Variants in PIWIL2 observed in about 807,000 individuals in gnomAD.
PIWIL2 encodes the protein piwi like RNA-mediated gene silencing 2.
Under a neutral mutation model 116.5 loss-of-function variants are expected in PIWIL2, and 81 were observed. The observed-to-expected ratio is 0.70, with a 90% CI of 0.58 to 0.84. PIWIL2 has a LOEUF of 0.84. PIWIL2 is among the 40% of genes least tolerant of loss of function. The pLI is 0.00. For synonymous variants in PIWIL2, 489 were observed against 429.5 expected (o/e 1.14, Z -1.71); for missense variants, 1,272 against 1,212.3 (o/e 1.05, Z -0.73).
chr8:22,331,324 C>T (rs1831857458), intron 20 of PIWIL2, among the ~76,000 whole-genome samples: 3 of 151,730 alleles, frequency 2.0e-5, no homozygotes, highest in Admixed American at 1.3e-4. Context: ...AGTGAGATCT[C>T]GTCTCTACAA....
In PIWIL2 at chr8:22,301,285, T is replaced by C. The variant is rs549827385; in HGVS notation, c.1182-2736T>C. ...CACACCCGGCCAGTGGTCCCTTTTATTTGTTTTTTATTCTTTTATTATTTA... is the reference window on the plus strand; with the variant it reads ...CACACCCGGCCAGTGGTCCCTTTTACTTGTTTTTTATTCTTTTATTATTTA... On this transcript the variant is annotated intron_variant, in intron 10 of 22. Coordinates refer to ENST00000356766, the MANE Select transcript of PIWIL2 (RefSeq NM_018068.5). Among the ~76,000 whole-genome samples, 3 of 151,210 alleles carry C rather than the reference T, an allele frequency of 2.0e-5. No homozygotes were observed. The East Asian group carries it at 5.9e-4, about 30-fold the overall frequency.
At position 22,289,082 on chromosome 8, in the gene PIWIL2, C is replaced by G. The variant is rs750496083; in HGVS notation, c.986+416C>G. Among the ~76,000 whole-genome samples, 56 of 152,052 alleles carry G rather than the reference C, an allele frequency of 3.7e-4. No individual in the cohort carries two copies. The Middle Eastern group carries it at 0.017, about 46-fold the overall frequency. ...AATTGTTTAACTTCTTTTGAAACAT[C>G]CTAGTTTTCATACAGCCGCTATTCT... is the stretch of plus-strand genomic sequence containing the variant. On this transcript the variant is annotated intron_variant, in intron 8 of 22. Transcript: ENST00000356766.
At chr8:22,347,382 T>C (rs1362365994) in intron 20 of PIWIL2, among the ~76,000 whole-genome samples, 3 of 151,300 alleles carry the variant, frequency 2.0e-5, no homozygotes, top group African/African-American at 7.3e-5. Context: ...ACCCAGCTAA[T>C]ATTTTTGTAT....
At chr8:22,287,029 G>A (rs368774205) in intron 6 of PIWIL2, among the ~76,000 whole-genome samples, 37 of 151,972 alleles carry the variant, frequency 2.4e-4, no homozygotes, top group African/African-American at 8.7e-4. Context: ...AGATGGCAGT[G>A]AGCTATGATC....
chr8:22,285,707 TCTC>T (rs1586536754), intron 6 of PIWIL2, among the ~76,000 whole-genome samples: 1 of 152,194 alleles, frequency 6.6e-6, no homozygotes, highest in East Asian at 1.9e-4. Context: ...AGTGGTGCAA[TCTC>T]AGCTCACTGC....
chr8:22,288,023 G>T (rs1297342522), intron 7 of PIWIL2, among the ~76,000 whole-genome samples: 1 of 152,172 alleles, frequency 6.6e-6, no homozygotes, highest in African/African-American at 2.4e-5. Context: ...TGTAGGCCGG[G>T]TGCGGTGGCT....
At chr8:22,350,860 G>T (rs995581963) in intron 20 of PIWIL2, among the ~76,000 whole-genome samples, 2 of 152,060 alleles carry the variant, frequency 1.3e-5, no homozygotes, top group Non-Finnish European at 2.9e-5. Flanking sequence ...ATAAAATTAG[G>T]CTGGGCGCAG....
At chr8:22,295,559 G>A (rs907352615) in intron 10 of PIWIL2, among the ~76,000 whole-genome samples, 5 of 151,826 alleles carry the variant, frequency 3.3e-5, no homozygotes, top group African/African-American at 7.2e-5. Flanking sequence ...GCATTACCCC[G>A]TTATGTCACA....
intron 20 of PIWIL2, among the ~76,000 whole-genome samples, chr8:22,341,835 A>G (rs1356494855): frequency 6.6e-6 from 1 of 152,298 alleles, no homozygotes; most frequent in Admixed American, 6.5e-5. Context: ...GGGAAGGAGA[A>G]AACAAAACTA....
chr8:22,354,794 G>T (rs1330118115), intron 22 of PIWIL2, among the ~76,000 whole-genome samples: 6 of 152,228 alleles, frequency 3.9e-5, no homozygotes, highest in Non-Finnish European at 8.8e-5. Context: ...AGGAGGCTGG[G>T]TGCGGTGGCT....
At chr8:22,278,665 G>T (rs189590371) in intron 1 of PIWIL2, among the ~76,000 whole-genome samples, 54 of 152,338 alleles carry the variant, frequency 3.5e-4, no homozygotes, top group African/African-American at 1.2e-3. Context: ...GGCTGGTTGG[G>T]GGGCCTGTTA....
intron 1 of PIWIL2, chr8:22,275,881 T>A (rs1830355265): frequency 6.6e-6 from 1 of 152,292 alleles, no homozygotes; most frequent in Non-Finnish European, 1.5e-5. Flanking sequence ...AAGTATCTGC[T>A]ACCTGATCCC....
rs1413345321 is a variant in PIWIL2, at chr8:22,279,394, C to T, written c.8C>T (p.Pro3Leu). 5.0e-6 allele frequency: 8 copies of T among 1,613,938 alleles called. No homozygotes were observed. In the African/African-American group the frequency reaches 9.3e-5, roughly 19 times the overall value. Residue 3 changes from proline (P) to leucine (L), a missense_variant, in exon 2 of 23, where the codon CCT (proline) becomes CTT (leucine). Pro to Leu is a moderately conservative substitution (Grantham distance 98). Transcript: ENST00000356766. ...GTTCTCTACAGCCCGTCCATGGATC[C>T]TTTCCGACCATCGTTCAGGGGCCAG... Reference protein sequence around the residue: MDPFRPSFRGQSP... With the variant: MDLFRPSFRGQSP...
At chr8:22,280,846 T>C (rs1028320836) in intron 2 of PIWIL2, among the ~76,000 whole-genome samples, 3 of 152,196 alleles carry the variant, frequency 2.0e-5, no homozygotes, top group South Asian at 2.1e-4. Flanking sequence ...CATTTTGTTA[T>C]ACTGTTTATC....
intron 18 of PIWIL2, among the ~76,000 whole-genome samples, chr8:22,315,848 A>G (rs1385433127): frequency 6.6e-6 from 1 of 152,158 alleles, no homozygotes; most frequent in East Asian, 1.9e-4. Context: ...TGGATTTTAG[A>G]TTTCTGGGGG....
intron 20 of PIWIL2, among the ~76,000 whole-genome samples, chr8:22,330,741 T>TAAATAAATAAATAAAA (rs1482452890): frequency 1.2e-4 from 17 of 140,612 alleles, no homozygotes; most frequent in East Asian, 6.0e-4. Context: ...AATAAATAAA[T>TAAATAAATAAATAAAA]AAAAATAGTT....
intron 20 of PIWIL2, among the ~76,000 whole-genome samples, chr8:22,337,764 C>T (rs1369800424): frequency 6.6e-6 from 1 of 151,510 alleles, no homozygotes; most frequent in Non-Finnish European, 1.5e-5. Flanking sequence ...AATAATAATA[C>T]TAGACATACT....
Position 22,353,216 on chromosome 8 carries a change from A to G in PIWIL2, c.2657+4A>G. 1 of 1,607,990 alleles carries G rather than the reference A, an allele frequency of 6.2e-7. No individual in the cohort carries two copies. Among genetic ancestry groups the G allele is most frequent in the Non-Finnish European group, 8.5e-7 (1 of 1,175,284 alleles). On this transcript the variant is annotated splice_donor_region_variant and intron_variant, in intron 21 of 22. Transcript: ENST00000356766. ...ATACAATAACAAGCTGTGAGTGGTA[A>G]GTGAGCAAAATATGTAGTATTGGAG... is the stretch of plus-strand genomic sequence containing the variant.
At chr8:22,294,644 C>CAAAA (rs897494985) in intron 10 of PIWIL2, among the ~76,000 whole-genome samples, 5 of 29,888 alleles carry the variant, frequency 1.7e-4, no homozygotes, top group Admixed American at 4.1e-4. Context: ...GACTCTGTCT[C>CAAAA]AAAAAAAAAA....
Sources: allele counts gnomAD v4.1 joint callset (sites outside exome capture counted in the v4.1 genomes callset), GRCh38; gene constraint gnomAD v4.1.1; transcripts MANE v1.5; gene names NCBI Gene and HGNC (gene_info 2026-07-23, HGNC 2026-07-21).